SH3RF3: variants seen among roughly 807,000 people sequenced by gnomAD.
The protein encoded by SH3RF3 is E3 ubiquitin-protein ligase SH3RF3.
In SH3RF3, 29 loss-of-function variants were observed where a neutral mutation model predicts 66.3. The observed-to-expected ratio is 0.44, with a 90% confidence interval of 0.33 to 0.60. SH3RF3 has a LOEUF of 0.60. SH3RF3 is among the 20% of genes least tolerant of loss of function. The pLI, the probability that SH3RF3 is intolerant of heterozygous loss-of-function variation, is 0.04. For synonymous variants in SH3RF3, 583 were observed against 532.0 expected, an observed-to-expected ratio of 1.10 and a Z score of -1.32; for missense variants, 1,194 against 1,190.9, an observed-to-expected ratio of 1.00 and a Z score of -0.04.
chr2:109,504,576 T>A lies in SH3RF3; in HGVS notation c.*2905T>A, dbSNP rs1419130805. 6.6e-6 allele frequency: 1 copy of A among 152,282 alleles called. No individual in the cohort carries two copies. Among genetic ancestry groups the A allele is most frequent in the Non-Finnish European group, 1.5e-5 (1 of 68,060 alleles). The allele number at this position is 152,282 out of a possible 1,614,324, so 9.4% of individuals were successfully genotyped here. On this transcript the variant is annotated 3_prime_UTR_variant, in exon 10 of 10. Transcript: ENST00000309415. ...CGTGTGATTTTGGAAGACTTGTCAG[T>A]GATGACAAACCATGATGCCTGTGTT...
intron 1 of SH3RF3, among the ~76,000 whole-genome samples, chr2:109,164,982 T>A (rs1278722971): frequency 1.3e-5 from 2 of 152,320 alleles, no homozygotes; most frequent in Middle Eastern, 3.4e-3. Context: ...TAAAGCCTCT[T>A]CTTAGTCATC....
intron 4 of SH3RF3, among the ~76,000 whole-genome samples, chr2:109,403,297 C>T (rs529638929): frequency 3.9e-5 from 6 of 152,332 alleles, no homozygotes; most frequent in Non-Finnish European, 7.3e-5. Flanking sequence ...ATCTCTCCTT[C>T]GGCTTCTTCT....
At chr2:109,259,998 G>T (rs541294779) in intron 1 of SH3RF3, among the ~76,000 whole-genome samples, 6 of 152,230 alleles carry the variant, frequency 3.9e-5, no homozygotes, top group African/African-American at 1.4e-4. Flanking sequence ...TTTCTTCTCC[G>T]GCCAGAGATA....
At chr2:109,231,393 G>T (rs1429739441) in intron 1 of SH3RF3, among the ~76,000 whole-genome samples, 1 of 152,228 alleles carries the variant, frequency 6.6e-6, no homozygotes, top group Non-Finnish European at 1.5e-5. Flanking sequence ...GTTCATGTTG[G>T]CAGCCTTAGA....
intron 2 of SH3RF3, among the ~76,000 whole-genome samples, chr2:109,350,005 T>C (rs572920398): frequency 6.4e-4 from 97 of 152,096 alleles, no homozygotes; most frequent in Non-Finnish European, 1.1e-3. Context: ...GACAGGCCAG[T>C]GGAGAATGTG....
chr2:109,375,669 GC>G (rs1683365777), intron 3 of SH3RF3, among the ~76,000 whole-genome samples: 1 of 152,240 alleles, frequency 6.6e-6, no homozygotes, highest in South Asian at 2.1e-4. Context: ...AGGATGGCAG[GC>G]GAGGGACTCC....
At chr2:109,204,885 G>A (rs1678773689) in intron 1 of SH3RF3, among the ~76,000 whole-genome samples, 1 of 152,162 alleles carries the variant, frequency 6.6e-6, no homozygotes, top group Admixed American at 6.6e-5. Flanking sequence ...TGTGTTCCAG[G>A]GAAATAATTT....
At chr2:109,445,001 G>A (rs931633244) in intron 7 of SH3RF3, among the ~76,000 whole-genome samples, 2 of 152,092 alleles carry the variant, frequency 1.3e-5, no homozygotes, top group Non-Finnish European at 2.9e-5. Context: ...AACTGGATAT[G>A]AAAAAGAACC....
chr2:109,415,670 T>A (rs1676704796), intron 4 of SH3RF3, among the ~76,000 whole-genome samples: 2 of 152,048 alleles, frequency 1.3e-5, no homozygotes, highest in South Asian at 4.1e-4. Context: ...ACCAGAACAC[T>A]CTCAGGAGGC....
chr2:109,406,207 G>T (rs190260810), intron 4 of SH3RF3, among the ~76,000 whole-genome samples: 1 of 152,204 alleles, frequency 6.6e-6, no homozygotes, highest in East Asian at 1.9e-4. Flanking sequence ...GTGCTCTGCT[G>T]GGGGAGGGAG....
At chr2:109,496,398 C>T (rs1001040700) in intron 9 of SH3RF3, among the ~76,000 whole-genome samples, 15 of 152,166 alleles carry the variant, frequency 9.9e-5, no homozygotes, top group Admixed American at 5.2e-4. Flanking sequence ...CTGATTGGTG[C>T]ATTTTACAAT....
chr2:109,399,979 T>C (rs1676260743), intron 4 of SH3RF3, among the ~76,000 whole-genome samples: 1 of 152,190 alleles, frequency 6.6e-6, no homozygotes, highest in African/African-American at 2.4e-5. Context: ...CCACATTCCT[T>C]CCAGAGTCCC....
chr2:109,387,867 G>A (rs1268009965), intron 3 of SH3RF3, among the ~76,000 whole-genome samples: 1 of 150,562 alleles, frequency 6.6e-6, no homozygotes, highest in South Asian at 2.1e-4. Flanking sequence ...TTGGGGGGGG[G>A]GTCTCCTCCC....
At chr2:109,262,122 G>A (rs1225727495) in intron 1 of SH3RF3, among the ~76,000 whole-genome samples, 3 of 152,194 alleles carry the variant, frequency 2.0e-5, no homozygotes, top group African/African-American at 7.2e-5. Flanking sequence ...GGGCAGGAAA[G>A]CCCTGGGAAA....
intron 4 of SH3RF3, among the ~76,000 whole-genome samples, chr2:109,411,848 T>A (rs1333106625): frequency 6.6e-6 from 1 of 152,228 alleles, no homozygotes; most frequent in Non-Finnish European, 1.5e-5. Context: ...AAGTAATAGC[T>A]TACTGTTAAA....
intron 1 of SH3RF3, among the ~76,000 whole-genome samples, chr2:109,146,382 C>T (rs1402088215): frequency 2.0e-5 from 3 of 152,178 alleles, no homozygotes; most frequent in Non-Finnish European, 2.9e-5. Context: ...AGTGACTAAT[C>T]ACTCCTCTGT....
At chr2:109,475,114 A>T (rs935111310) in intron 8 of SH3RF3, among the ~76,000 whole-genome samples, 2 of 152,102 alleles carry the variant, frequency 1.3e-5, no homozygotes, top group Non-Finnish European at 1.5e-5. Context: ...AGTGGCTGGG[A>T]CTACAGGTGC....
chr2:109,182,555 C>T (rs1368905887), intron 1 of SH3RF3, among the ~76,000 whole-genome samples: 4 of 152,146 alleles, frequency 2.6e-5, no homozygotes, highest in Non-Finnish European at 2.9e-5. Context: ...ACATAGAAAG[C>T]ACATGGAACT....
chr2:109,143,200 T>C (rs1289098810), intron 1 of SH3RF3, among the ~76,000 whole-genome samples: 1 of 152,100 alleles, frequency 6.6e-6, no homozygotes, highest in Non-Finnish European at 1.5e-5. Flanking sequence ...TATAGAAAAA[T>C]TGTGGCAGTT....
Sources: gnomAD v4.1 joint callset for allele counts (sites outside exome capture counted in the v4.1 genomes callset) on GRCh38, gnomAD v4.1.1 for gene constraint, MANE v1.5 for transcripts, NCBI Gene and HGNC (gene_info 2026-07-23, HGNC 2026-07-21) for gene names.